The following METTL25 variants were observed in gnomAD, a reference collection of about 807,000 sequenced individuals.
The protein encoded by METTL25 is probable methyltransferase-like protein 25.
METTL25 carries 64 observed loss-of-function variants against 71.6 expected under a neutral mutation model. The observed-to-expected ratio is 0.89, with a 90% CI of 0.73 to 1.10. METTL25 has a LOEUF of 1.10. METTL25 is among the 50% of genes least tolerant of loss of function. The pLI is 0.00. For missense variants in METTL25, 807 were observed against 707.0 expected, an observed-to-expected ratio of 1.14 and a Z score of -1.60; for synonymous variants, 287 against 250.3, an observed-to-expected ratio of 1.15 and a Z score of -1.38.
chr12:82,381,992 G>C (rs1884486223), intron 1 of METTL25, among the ~76,000 whole-genome samples: 1 of 152,182 alleles, frequency 6.6e-6, no homozygotes, highest in Non-Finnish European at 1.5e-5. Flanking sequence ...CATCAGAGTT[G>C]ATGGGTGGCT....
At chr12:82,452,460 G>A (rs1175731508) in intron 8 of METTL25, among the ~76,000 whole-genome samples, 1 of 152,142 alleles carries the variant, frequency 6.6e-6, no homozygotes. Flanking sequence ...CTATGATCAT[G>A]CCACTGCACG....
chr12:82,475,952 A>G (rs530515274), intron 9 of METTL25, among the ~76,000 whole-genome samples: 2 of 152,060 alleles, frequency 1.3e-5, no homozygotes, highest in Non-Finnish European at 2.9e-5. Context: ...AAAGTTTCAG[A>G]TTTTGGAGCA....
chr12:82,389,243 T>A (rs1221009787), intron 2 of METTL25, among the ~76,000 whole-genome samples: 5 of 152,128 alleles, frequency 3.3e-5, no homozygotes, highest in African/African-American at 7.2e-5. Context: ...TAGCCACATG[T>A]GGCTGTTGAG....
At chr12:82,365,121 T>A (rs769182350) in intron 1 of METTL25, among the ~76,000 whole-genome samples, 25 of 152,094 alleles carry the variant, frequency 1.6e-4, no homozygotes, top group Non-Finnish European at 2.9e-4. Context: ...TAATAAAGAG[T>A]CTTATTGAAG....
At chr12:82,446,907 A>T (rs1890793067) in intron 8 of METTL25, among the ~76,000 whole-genome samples, 2 of 152,158 alleles carry the variant, frequency 1.3e-5, no homozygotes, top group Non-Finnish European at 2.9e-5. Context: ...ATGTGCCACC[A>T]CGCCCGGCCT....
intron 6 of METTL25, 137 bp from the exon 7 acceptor site, chr12:82,434,556 ACT>A: frequency 1.5e-6 from 1 of 653,544 alleles, no homozygotes; most frequent in South Asian, 2.0e-5. Flanking sequence ...TGATATTAAC[ACT>A]GTTAAGTGCA....
intron 8 of METTL25, among the ~76,000 whole-genome samples, chr12:82,443,300 G>C (rs1358655254): frequency 6.6e-6 from 1 of 151,906 alleles, no homozygotes; most frequent in Non-Finnish European, 1.5e-5. Flanking sequence ...TGAGAGGAGT[G>C]AAGGAGGGAA....
rs768683672 is a variant in METTL25 at position 82,399,225 on chromosome 12, A to G, written c.962A>G (p.Asn321Ser). 1.2e-6 allele frequency: 2 copies of G among 1,613,450 alleles called. No individual in the cohort carries two copies. Residue 321 changes from asparagine to serine, a missense_variant, in exon 4 of 12, where the codon AAT becomes AGT. Coordinates refer to ENST00000248306, the MANE Select transcript of METTL25 (RefSeq NM_032230.3). The part of the protein sequence containing the change: ...SFSLINLLPI[N>S]AVEPTSSQQI... ...TCTCTTATAAACCTTTTGCCTATTAATGCTGTAGAGCCTACTTCTTCACAG... is the reference window on the plus strand; with the variant it reads ...TCTCTTATAAACCTTTTGCCTATTAGTGCTGTAGAGCCTACTTCTTCACAG...
At chr12:82,382,648 A>T (rs1884552777) in intron 1 of METTL25, among the ~76,000 whole-genome samples, 1 of 152,252 alleles carries the variant, frequency 6.6e-6, no homozygotes, top group Non-Finnish European at 1.5e-5. Flanking sequence ...ATATCATAAT[A>T]AGATTTTACA....
chr12:82,430,962 G>C lies in METTL25; in HGVS notation c.1349G>C (p.Arg450Pro). The C allele has an allele frequency of 6.3e-7, 1 of 1,597,422 alleles. No homozygotes were observed. Among genetic ancestry groups the C allele is most frequent in the Non-Finnish European group, 8.5e-7 (1 of 1,169,630 alleles). ...AAGGAAGAGAGATGGTGCTGTGGTC[G>C]TAATGCCAGAATGTCAGCATGTTTG... ...YLKEERWCCG[R>P]NARMSACLAL... The change falls in exon 6 of 12, where the codon CGT (arginine) becomes CCT (proline). Residue 450 changes from arginine (R) to proline (P), a missense_variant. Transcript: ENST00000248306.
At chr12:82,471,064 T>C (rs1892541848) in intron 9 of METTL25, among the ~76,000 whole-genome samples, 1 of 152,200 alleles carries the variant, frequency 6.6e-6, no homozygotes, top group Non-Finnish European at 1.5e-5. Context: ...AACTAATAGA[T>C]CCTTTGAATG....
intron 2 of METTL25, chr12:82,388,900 C>T (rs1885310788): frequency 6.6e-6 from 1 of 152,024 alleles, no homozygotes; most frequent in African/African-American, 2.4e-5. Context: ...AAGGTGCTAC[C>T]TTCCATCTAC....
chr12:82,375,612 G>T (rs994121607), intron 1 of METTL25, among the ~76,000 whole-genome samples: 3 of 152,188 alleles, frequency 2.0e-5, no homozygotes, highest in African/African-American at 7.2e-5. Flanking sequence ...TTTTAGAAAT[G>T]ATTGAGATGT....
intron 5 of METTL25, among the ~76,000 whole-genome samples, chr12:82,413,230 G>T (rs780554985): frequency 6.6e-6 from 1 of 151,846 alleles, no homozygotes; most frequent in African/African-American, 2.4e-5. Flanking sequence ...AGCCAATTTA[G>T]TAACAACAAC....
In METTL25 at chr12:82,410,965, A is replaced by G. The variant is rs369499343; in HGVS notation, c.1279+7835A>G. On this transcript the variant is annotated intron_variant, in intron 5 of 11. Transcript: ENST00000248306. ...TTGAAATTTCAACAGATTAAAATCT[A>G]TTAAATATGAGCTCAAATCTTAGAA... 3.9e-5 allele frequency among the ~76,000 whole-genome samples: 6 copies of G among 152,118 alleles called. No homozygotes were observed. The East Asian group carries it at 1.2e-3, about 29-fold the overall frequency.
At chr12:82,460,536 G>T (rs979926059) in intron 9 of METTL25, among the ~76,000 whole-genome samples, 3 of 152,152 alleles carry the variant, frequency 2.0e-5, no homozygotes, top group African/African-American at 7.2e-5. Flanking sequence ...ATAAGGTGAG[G>T]AATATGTACT....
chr12:82,477,439 C>A, intron 11 of METTL25, 87 bp downstream of exon 11: 3 of 606,816 alleles, frequency 4.9e-6, no homozygotes, highest in South Asian at 3.1e-5. Context: ...AAGAGTCTTT[C>A]ACATAAAACT....
chr12:82,408,962 T>C (rs921718099), intron 5 of METTL25, among the ~76,000 whole-genome samples: 1 of 152,162 alleles, frequency 6.6e-6, no homozygotes, highest in African/African-American at 2.4e-5. Flanking sequence ...TTTGCACAGC[T>C]GTTTTTAAGT....
chr12:82,387,051 TA>T, intron 2 of METTL25, 84 bp downstream of exon 2: 2 of 1,110,590 alleles, frequency 1.8e-6, no homozygotes, highest in Non-Finnish European at 2.5e-6. Context: ...CTTTCCAAAA[TA>T]TTATTAATTT....
Sources: allele counts gnomAD v4.1 joint callset (sites outside exome capture counted in the v4.1 genomes callset), GRCh38; gene constraint gnomAD v4.1.1; transcripts MANE v1.5; gene names NCBI Gene and HGNC (gene_info 2026-07-23, HGNC 2026-07-21).